The following IGSF21 variants were observed in gnomAD, a reference collection of about 807,000 sequenced individuals.
IGSF21 encodes the protein immunoglobin superfamily member 21.
In IGSF21, 28 loss-of-function variants were observed where a neutral mutation model predicts 46.8. The ratio of observed to expected loss-of-function variants is 0.60; its 90% CI spans 0.44 to 0.82. The LOEUF (loss-of-function observed/expected upper bound fraction) is 0.82. IGSF21 is among the 40% of genes least tolerant of loss of function. The probability of loss-of-function intolerance (pLI) is 0.00; values close to 1 mark genes in which losing one functional copy is unlikely to be tolerated. For synonymous variants in IGSF21, 284 were observed against 273.6 expected (o/e 1.04, Z -0.38); for missense variants, 624 against 665.5 (o/e 0.94, Z 0.69).
intron 4 of IGSF21, among the ~76,000 whole-genome samples, chr1:18,355,512 A>G (rs77455276): frequency 0.012 from 1,874 of 152,202 alleles, 37 homozygotes; most frequent in African/African-American, 0.043. Flanking sequence ...TGGCTGTGAC[A>G]TACAGCTGTG....
intron 2 of IGSF21, among the ~76,000 whole-genome samples, chr1:18,248,465 G>A (rs77361557): frequency 0.014 from 2,065 of 152,252 alleles, 45 homozygotes; most frequent in African/African-American, 0.045. Flanking sequence ...CATTAGAACA[G>A]GGAGGCTCGC....
chr1:18,206,548 CA>C (rs1182210491), intron 1 of IGSF21, among the ~76,000 whole-genome samples: 15,580 of 78,708 alleles, frequency 0.2, 751 homozygotes, highest in South Asian at 0.28. Context: ...GACCCCGTCT[CA>C]AAAAAAAAAA....
chr1:18,364,452 C>T (rs779224871), intron 5 of IGSF21, among the ~76,000 whole-genome samples: 2 of 150,894 alleles, frequency 1.3e-5, no homozygotes, highest in Non-Finnish European at 3.0e-5. Flanking sequence ...TCCGCTCCCC[C>T]ACCTGTGTCC....
intron 3 of IGSF21, among the ~76,000 whole-genome samples, chr1:18,305,677 A>G (rs1273929979): frequency 6.6e-6 from 1 of 152,236 alleles, no homozygotes; most frequent in Non-Finnish European, 1.5e-5. Flanking sequence ...AGTCAAGGAA[A>G]AGAAGTCATC....
intron 1 of IGSF21, among the ~76,000 whole-genome samples, chr1:18,148,840 C>A (rs2027531): frequency 0.58 from 88,674 of 152,102 alleles, 26,559 homozygotes; most frequent in Non-Finnish European, 0.66. Flanking sequence ...TAATTCAAAG[C>A]ATAAACATGT....
chr1:18,159,581 G>A (rs963410155), intron 1 of IGSF21, among the ~76,000 whole-genome samples: 1 of 151,974 alleles, frequency 6.6e-6, no homozygotes, highest in Non-Finnish European at 1.5e-5. Context: ...CTGCTGCCAT[G>A]TAAGATGTGC....
At chr1:18,310,508 T>C (rs1246829121) in intron 3 of IGSF21, among the ~76,000 whole-genome samples, 3 of 152,264 alleles carry the variant, frequency 2.0e-5, no homozygotes, top group Non-Finnish European at 4.4e-5. Flanking sequence ...TGGAGTGGCA[T>C]TGGAGCTGTT....
intron 1 of IGSF21, among the ~76,000 whole-genome samples, chr1:18,127,901 A>G (rs1303661658): frequency 6.6e-6 from 1 of 152,054 alleles, no homozygotes; most frequent in African/African-American, 2.4e-5. Flanking sequence ...GTAGCAAGAC[A>G]CTGTCTTCTA....
At chr1:18,247,292 G>A (rs372802051) in intron 2 of IGSF21, among the ~76,000 whole-genome samples, 6 of 152,106 alleles carry the variant, frequency 3.9e-5, no homozygotes, top group African/African-American at 1.4e-4. Context: ...GCAAGACTGG[G>A]TGCCTGGACT....
chr1:18,151,027 A>G (rs1041922431), intron 1 of IGSF21, among the ~76,000 whole-genome samples: 2 of 152,184 alleles, frequency 1.3e-5, no homozygotes, highest in Admixed American at 6.5e-5. Context: ...AGGGTATGTG[A>G]CCTGAGCAAG....
rs543429968 is a variant in IGSF21 at position 18,311,117 on chromosome 1, G to A, written c.305+19130G>A. Among the ~76,000 whole-genome samples the A allele has an allele frequency of 7.9e-5, 12 of 152,212 alleles. No homozygotes were observed. In the South Asian group the frequency reaches 2.5e-3, roughly 32 times the overall value. The stretch of plus-strand genomic sequence containing the variant: ...GGAGCGCAATTCACCCTACAACACC[G>A]CCTAACAGTTTCAAAGAACATGTAC... On this transcript the variant is annotated intron_variant, in intron 3 of 9. Transcript: ENST00000251296.
chr1:18,338,910 C>T (rs905119696), intron 4 of IGSF21, among the ~76,000 whole-genome samples: 1 of 151,982 alleles, frequency 6.6e-6, no homozygotes, highest in Non-Finnish European at 1.5e-5. Flanking sequence ...GGGGAGGGAG[C>T]GTGTTAAGGG....
intron 1 of IGSF21, among the ~76,000 whole-genome samples, chr1:18,178,861 A>C (rs149118216): frequency 0.014 from 2,067 of 152,138 alleles, 44 homozygotes; most frequent in African/African-American, 0.047. Context: ...AGGGATGCTT[A>C]TTCTCCGCCC....
Position 18,108,257 on chromosome 1 carries a change from CG to C in IGSF21, c.70+64del. 6.1e-6 allele frequency: 8 copies of C among 1,308,042 alleles called. No homozygotes were observed. The South Asian group carries it at 8.3e-5, about 14-fold the overall frequency. 81.0% of individuals were successfully genotyped at this position (1,308,042 alleles called of 1,614,324 possible). A position where few individuals can be genotyped will look rare whatever the true frequency, so the allele number is the denominator to read the frequency against. ...GTGAACGTGCGCGGGGACGGGGTGC[CG>C]GGGGAGGGCGCTGGCCGGGGTCGCT... On this transcript the variant is annotated intron_variant, in intron 1 of 9. Coordinates refer to ENST00000251296, the MANE Select transcript of IGSF21 (RefSeq NM_032880.5).
chr1:18,259,300 A>G (rs530345080), intron 2 of IGSF21, among the ~76,000 whole-genome samples: 1 of 152,310 alleles, frequency 6.6e-6, no homozygotes, highest in South Asian at 2.1e-4. Flanking sequence ...CTTCATCTGT[A>G]AAATGAGGAG....
chr1:18,272,936 A>T (rs1327130963), intron 2 of IGSF21, among the ~76,000 whole-genome samples: 1 of 150,742 alleles, frequency 6.6e-6, no homozygotes, highest in African/African-American at 2.5e-5. Flanking sequence ...GCCTCTGTCC[A>T]CTTTATGCTC....
rs560037040 is a variant in IGSF21 at position 18,267,216 on chromosome 1, A to G, written c.184-24650A>G. Among the ~76,000 whole-genome samples the G allele has an allele frequency of 4.4e-4, 67 of 152,336 alleles. 3 individuals carry two copies. The South Asian group carries it at 0.014, about 32-fold the overall frequency. ...AGAAAATAAATGTCATTGTACACTG[A>G]GGACCAGCTGATTTGGGGAGATACG... is the stretch of plus-strand genomic sequence containing the variant. On this transcript the variant is annotated intron_variant, in intron 2 of 9. Transcript: ENST00000251296.
chr1:18,167,510 T>C (rs2086691135), intron 1 of IGSF21, among the ~76,000 whole-genome samples: 1 of 152,106 alleles, frequency 6.6e-6, no homozygotes, highest in African/African-American at 2.4e-5. Context: ...TGGGTGGTGG[T>C]GACCCCAGTG....
intron 2 of IGSF21, among the ~76,000 whole-genome samples, chr1:18,247,841 A>G (rs2084799919): frequency 6.6e-6 from 1 of 152,102 alleles, no homozygotes; most frequent in African/African-American, 2.4e-5. Context: ...AAAGGCAATC[A>G]TTTGCTCAAG....
Sources: gnomAD v4.1 joint callset for allele counts (sites outside exome capture counted in the v4.1 genomes callset) on GRCh38, gnomAD v4.1.1 for gene constraint, MANE v1.5 for transcripts, NCBI Gene and HGNC (gene_info 2026-07-23, HGNC 2026-07-21) for gene names.